Variants in STYX observed in about 807,000 individuals in gnomAD.
STYX encodes the protein serine/threonine/tyrosine-interacting protein.
Under a neutral mutation model 42.7 loss-of-function variants are expected in STYX, and 20 were observed. That is an observed-to-expected ratio of 0.47 (90% CI 0.33 to 0.68). The LOEUF is 0.68. Among genes scored for constraint, STYX ranks in the 30% least tolerant of loss-of-function variants. STYX has a pLI of 0.02. For synonymous variants in STYX, 78 were observed against 81.9 expected, an observed-to-expected ratio of 0.95 and a Z score of 0.26; for missense variants, 226 against 268.5, an observed-to-expected ratio of 0.84 and a Z score of 1.11.
At chr14:52,749,152 C>G (rs1881508891) in intron 3 of STYX, among the ~76,000 whole-genome samples, 1 of 152,140 alleles carries the variant, frequency 6.6e-6, no homozygotes, top group African/African-American at 2.4e-5. Context: ...TCGCAGATCC[C>G]TCCCTTCTTG....
At chr14:52,769,514 A>C (rs1267569778) in intron 10 of STYX, among the ~76,000 whole-genome samples, 1 of 152,134 alleles carries the variant, frequency 6.6e-6, no homozygotes, top group Non-Finnish European at 1.5e-5. Context: ...TTATATACTT[A>C]GCACTGACCT....
chr14:52,761,221 A>C (rs1480128144), intron 9 of STYX, among the ~76,000 whole-genome samples: 1 of 151,558 alleles, frequency 6.6e-6, no homozygotes, highest in African/African-American at 2.4e-5. Flanking sequence ...CCAGCTACTC[A>C]GGAGGCTGAG....
chr14:52,749,939 T>C (rs1881545055), intron 3 of STYX, among the ~76,000 whole-genome samples: 1 of 152,194 alleles, frequency 6.6e-6, no homozygotes, highest in Non-Finnish European at 1.5e-5. Flanking sequence ...GTTCAGAGTA[T>C]ATATGGTGTG....
intron 1 of STYX, among the ~76,000 whole-genome samples, chr14:52,741,474 G>A (rs1021886132): frequency 6.6e-6 from 1 of 152,038 alleles, no homozygotes; most frequent in African/African-American, 2.4e-5. Context: ...GTCTCACTCT[G>A]TCACCCAGGC....
intron 10 of STYX, among the ~76,000 whole-genome samples, chr14:52,770,111 T>G (rs1536175): frequency 6.6e-6 from 1 of 152,090 alleles, no homozygotes; most frequent in African/African-American, 2.4e-5. Flanking sequence ...CACTCTTCCT[T>G]TAACCCCTAG....
chr14:52,771,763 CTTTCT>C lies in STYX; in HGVS notation c.*659_*663del, dbSNP rs2139944461. 1 of 152,296 alleles carries C rather than the reference CTTTCT, an allele frequency of 6.6e-6. No homozygotes were observed. Among genetic ancestry groups the C allele is most frequent in the African/African-American group, 2.4e-5 (1 of 41,492 alleles). The allele number at this position is 152,296 out of a possible 1,614,324, so 9.4% of individuals were successfully genotyped here. ...TTTAACTTGATCTAATTATTGCTTC[CTTTCT>C]TATTACTTTCCTAATTTTTCTATAT... is the stretch of plus-strand genomic sequence containing the variant. On this transcript the variant is annotated 3_prime_UTR_variant, in exon 11 of 11. Transcript: ENST00000354586.
At chr14:52,764,666 CTTTTT>C (rs58502916) in intron 9 of STYX, among the ~76,000 whole-genome samples, 1 of 98,974 alleles carries the variant, frequency 1.0e-5, no homozygotes, top group East Asian at 3.0e-4. Flanking sequence ...TTTACTTTTC[CTTTTT>C]TTTTTTTTTT....
At chr14:52,733,539 A>G (rs1264319613) in intron 1 of STYX, among the ~76,000 whole-genome samples, 1 of 152,044 alleles carries the variant, frequency 6.6e-6, no homozygotes, top group Non-Finnish European at 1.5e-5. Context: ...TCACCTATAC[A>G]CTCCTGACTG....
intron 1 of STYX, among the ~76,000 whole-genome samples, chr14:52,734,364 T>C (rs1415905173): frequency 6.6e-6 from 1 of 152,240 alleles, no homozygotes; most frequent in Non-Finnish European, 1.5e-5. Flanking sequence ...ACAAATCTTA[T>C]TCAACGGTTT....
At chr14:52,765,506 C>T (rs542290316) in intron 9 of STYX, among the ~76,000 whole-genome samples, 131 of 152,260 alleles carry the variant, frequency 8.6e-4, no homozygotes, top group African/African-American at 3.1e-3. Context: ...TGTGAGCCAC[C>T]GTGCCTGGCC....
chr14:52,746,455 A>C lies in STYX; in HGVS notation c.120A>C (p.Pro40=). ...QEILPGLFLG[P]YSSAMKSKLP... ...TTTTACCTGGATTGTTCTTAGGCCC[A>C]TATTCATCTGCTATGAAAAGCAAGG... The change falls in exon 3 of 11, where the codon CCA becomes CCC. Residue 40 remains proline, a synonymous_variant. Transcript: ENST00000354586. The C allele has an allele frequency of 6.4e-7, 1 of 1,555,240 alleles. No individual in the cohort carries two copies. Among genetic ancestry groups the C allele is most frequent in the Non-Finnish European group, 8.6e-7 (1 of 1,161,530 alleles).
In STYX at chr14:52,730,175, G is replaced by C. The variant is rs1225404084; in HGVS notation, c.-300G>C. The C allele has an allele frequency of 1.3e-5, 6 of 446,578 alleles. No homozygotes were observed. Among genetic ancestry groups the C allele is most frequent in the Non-Finnish European group, 1.6e-5 (4 of 251,090 alleles). 27.7% of individuals were successfully genotyped at this position (446,578 alleles called of 1,614,324 possible). On this transcript the variant is annotated 5_prime_UTR_variant, in exon 1 of 11. Transcript: ENST00000354586. ...AAGGAGGCGGGGAGACGGTTGTCGGGCTGGTTCCTGTGCTGGATCCTGGGC... is the reference window on the plus strand; with the variant it reads ...AAGGAGGCGGGGAGACGGTTGTCGGCCTGGTTCCTGTGCTGGATCCTGGGC...
In STYX at chr14:52,748,287, C is replaced by T. The variant is rs555344804; in HGVS notation, c.144+1808C>T. 4.6e-5 allele frequency among the ~76,000 whole-genome samples: 7 copies of T among 152,144 alleles called. No homozygotes were observed. In the East Asian group the frequency reaches 1.4e-3, roughly 29 times the overall value. ...TGTTACCCAGGCTGGAGTACAGTGG[C>T]GCGCTCTCATAGCTCACTGTAACCT... On this transcript the variant is annotated intron_variant, in intron 3 of 10. Coordinates refer to ENST00000354586, the MANE Select transcript of STYX (RefSeq NM_145251.4).
At chr14:52,764,666 CTTTTTTT>C (rs58502916) in intron 9 of STYX, among the ~76,000 whole-genome samples, 4 of 99,014 alleles carry the variant, frequency 4.0e-5, no homozygotes, top group Non-Finnish European at 5.9e-5. Flanking sequence ...TTTACTTTTC[CTTTTTTT>C]TTTTTTTTTT....
At chr14:52,765,985 G>C (rs541325060) in intron 9 of STYX, among the ~76,000 whole-genome samples, 1 of 152,138 alleles carries the variant, frequency 6.6e-6, no homozygotes, top group African/African-American at 2.4e-5. Context: ...CTTTATCAAG[G>C]TGTATCCTGG....
chr14:52,734,981 C>T (rs1212709090), intron 1 of STYX, among the ~76,000 whole-genome samples: 2 of 151,566 alleles, frequency 1.3e-5, no homozygotes, highest in Non-Finnish European at 2.9e-5. Context: ...GGCATGAACC[C>T]GGGAGGCGGA....
At chr14:52,739,848 T>G (rs1881116212) in intron 1 of STYX, among the ~76,000 whole-genome samples, 1 of 151,948 alleles carries the variant, frequency 6.6e-6, no homozygotes, top group African/African-American at 2.4e-5. Flanking sequence ...CTCCCTATAT[T>G]GCCCAGGCTG....
chr14:52,752,883 T>TTTTG (rs1881683336), intron 4 of STYX, among the ~76,000 whole-genome samples: 6 of 45,306 alleles, frequency 1.3e-4, no homozygotes, highest in African/African-American at 4.0e-4. Context: ...GTTGTTGTTG[T>TTTTG]TTTTTTTTTT....
Position 52,771,437 on chromosome 14 carries a change from A to G in STYX, c.*331A>G, listed in dbSNP as rs1882507231. Reference sequence around the variant, plus strand: ...TTCATACTTGAAATTTATTTGTATGATATAAAGTTATTACTTTAAACAAAA... The same window carrying G: ...TTCATACTTGAAATTTATTTGTATGGTATAAAGTTATTACTTTAAACAAAA... On this transcript the variant is annotated 3_prime_UTR_variant, in exon 11 of 11. Transcript: ENST00000354586. 5.4e-6 allele frequency: 1 copy of G among 184,980 alleles called. No homozygotes were observed. Among genetic ancestry groups the G allele is most frequent in the Non-Finnish European group, 1.1e-5 (1 of 89,398 alleles). The allele number at this position is 184,980 out of a possible 1,614,324, so 11.5% of individuals were successfully genotyped here.
Sources: gnomAD v4.1 joint callset for allele counts (sites outside exome capture counted in the v4.1 genomes callset) on GRCh38, gnomAD v4.1.1 for gene constraint, MANE v1.5 for transcripts, NCBI Gene and HGNC (gene_info 2026-07-23, HGNC 2026-07-21) for gene names.